Variants in TTBK2 observed in about 807,000 individuals in gnomAD.
The protein encoded by TTBK2 is tau tubulin kinase 2.
Under a neutral mutation model 110.8 loss-of-function variants are expected in TTBK2, and 28 were observed. The ratio of observed to expected loss-of-function variants is 0.25; its 90% confidence interval spans 0.19 to 0.35. The LOEUF (loss-of-function observed/expected upper bound fraction) is 0.35. TTBK2 is among the 10% of genes least tolerant of loss of function. TTBK2 has a pLI of 1.00. For synonymous variants in TTBK2, 532 were observed against 527.3 expected, an observed-to-expected ratio of 1.01 and a Z score of -0.12; for missense variants, 1,369 against 1,500.3, an observed-to-expected ratio of 0.91 and a Z score of 1.45.
chr15:42,897,981 A>G (rs1428281254), intron 1 of TTBK2, among the ~76,000 whole-genome samples: 2 of 151,550 alleles, frequency 1.3e-5, no homozygotes, highest in African/African-American at 4.8e-5. Context: ...ATTGAGCCCA[A>G]GAGTTTGAAA....
intron 13 of TTBK2, among the ~76,000 whole-genome samples, chr15:42,754,439 AGG>A (rs1246622481): frequency 1.3e-5 from 2 of 151,466 alleles, no homozygotes; most frequent in African/African-American, 4.9e-5. Flanking sequence ...TCTGTCGCCC[AGG>A]CTGGAGTGCA....
chr15:42,879,640 A>C (rs1181980954), intron 1 of TTBK2, among the ~76,000 whole-genome samples: 2 of 151,472 alleles, frequency 1.3e-5, no homozygotes, highest in South Asian at 2.1e-4. Flanking sequence ...AATCTTATTT[A>C]CAAAAAAAAA....
chr15:42,784,413 G>T (rs951996417), intron 10 of TTBK2, among the ~76,000 whole-genome samples: 1 of 151,944 alleles, frequency 6.6e-6, no homozygotes, highest in African/African-American at 2.4e-5. Flanking sequence ...GAGTAGCTGG[G>T]ATTACAGGCG....
At chr15:42,830,741 C>T (rs1892722927) in intron 4 of TTBK2, among the ~76,000 whole-genome samples, 4 of 151,922 alleles carry the variant, frequency 2.6e-5, no homozygotes, top group African/African-American at 9.6e-5. Flanking sequence ...AGCAGTGGCT[C>T]ACGCCTGTAA....
rs371580608 is a variant in TTBK2 at position 42,801,927 on chromosome 15, C to T, written c.823-7126G>A. On this transcript the variant is annotated intron_variant, in intron 9 of 14. Coordinates refer to ENST00000267890, the MANE Select transcript of TTBK2 (RefSeq NM_173500.4). The stretch of plus-strand genomic sequence containing the variant: ...GCCCATGCATGTTGCCAAGCTCCGC[C>T]TCCAGCTTCAGCTTCTCCTGGCCCA... 5.1e-5 allele frequency: 81 copies of T among 1,584,904 alleles called. No homozygotes were observed. The African/African-American group carries it at 7.5e-4, about 15-fold the overall frequency.
intron 10 of TTBK2, among the ~76,000 whole-genome samples, chr15:42,785,204 C>T (rs944917167): frequency 2.0e-5 from 3 of 150,770 alleles, no homozygotes; most frequent in African/African-American, 7.4e-5. Context: ...ACTGCAACCT[C>T]CGCCCCCGGG....
rs372961536 is a variant in TTBK2 at position 42,864,327 on chromosome 15, A to G, written c.217+8284T>C. Among the ~76,000 whole-genome samples the G allele has an allele frequency of 1.1e-4, 16 of 152,294 alleles. No homozygotes were observed. In the South Asian group the frequency reaches 1.9e-3, roughly 18 times the overall value. ...AGGCCAGGCGTGGTGGCTAACGCCTATAATCCCAGCACTTTGGGAGGCCAA... is the reference window on the plus strand; with the variant it reads ...AGGCCAGGCGTGGTGGCTAACGCCTGTAATCCCAGCACTTTGGGAGGCCAA... On this transcript the variant is annotated intron_variant, in intron 3 of 14. Coordinates refer to ENST00000267890, the MANE Select transcript of TTBK2 (RefSeq NM_173500.4).
Position 42,803,458 on chromosome 15 carries a change from A to C in TTBK2, c.822+7156T>G, listed in dbSNP as rs8037374. ...GATACTGGAGATTCAGAAGTGCCCCATGTGGTTGGCTGCCCCAGGACCTGA... is the reference window on the plus strand; with the variant it reads ...GATACTGGAGATTCAGAAGTGCCCCCTGTGGTTGGCTGCCCCAGGACCTGA... On this transcript the variant is annotated intron_variant, in intron 9 of 14. Transcript: ENST00000267890. Among the ~76,000 whole-genome samples, 563 of 152,042 alleles carry C rather than the reference A, an allele frequency of 3.7e-3. 2 individuals are homozygous for C. Among genetic ancestry groups the C allele is most frequent in the African/African-American group, 0.013 (538 of 41,472 alleles).
At chr15:42,858,952 G>GGA in intron 3 of TTBK2, among the ~76,000 whole-genome samples, 1 of 152,252 alleles carries the variant, frequency 6.6e-6, no homozygotes, top group East Asian at 1.9e-4. Context: ...ATTCCCTCAT[G>GGA]CTTCCAGCAG....
At chr15:42,843,845 T>G (rs1893343986) in intron 3 of TTBK2, among the ~76,000 whole-genome samples, 1 of 151,468 alleles carries the variant, frequency 6.6e-6, no homozygotes, top group African/African-American at 2.4e-5. Context: ...AAGACTGGTG[T>G]TTGAGATATT....
chr15:42,837,901 T>C (rs996924624), intron 4 of TTBK2, among the ~76,000 whole-genome samples: 1 of 151,950 alleles, frequency 6.6e-6, no homozygotes, highest in South Asian at 2.1e-4. Context: ...GTTATTTAGA[T>C]AACTTGAAAG....
rs1354381273 is a variant in TTBK2 at position 42,752,170 on chromosome 15, G to A, written c.3076C>T (p.Leu1026=). 1.2e-6 allele frequency: 2 copies of A among 1,614,244 alleles called. No individual in the cohort carries two copies. Among genetic ancestry groups the A allele is most frequent in the South Asian group, 2.2e-5 (2 of 91,086 alleles). The change falls in exon 14 of 15, where the codon CTG becomes TTG. Residue 1026 remains leucine (L), a synonymous_variant. Transcript: ENST00000267890. ...CTACTCAGGTGAGAATCTACTGTCA[G>A]TCTTGAAAAGGGAGTGAGCACTTCC... ...EEEVLTPFSR[L]TVDSHLSRSA...
At chr15:42,773,263 G>A (rs1044091622) in intron 13 of TTBK2, among the ~76,000 whole-genome samples, 7 of 151,978 alleles carry the variant, frequency 4.6e-5, no homozygotes, top group African/African-American at 1.4e-4. Context: ...CATTTCATTA[G>A]AGACTTTCAA....
intron 7 of TTBK2, among the ~76,000 whole-genome samples, chr15:42,813,066 A>G (rs1327435332): frequency 6.6e-6 from 1 of 152,128 alleles, no homozygotes; most frequent in Non-Finnish European, 1.5e-5. Flanking sequence ...AGAGAAAGGG[A>G]AAAAGGGAAT....
At chr15:42,760,188 C>A (rs935858405) in intron 13 of TTBK2, among the ~76,000 whole-genome samples, 1 of 151,896 alleles carries the variant, frequency 6.6e-6, no homozygotes, top group African/African-American at 2.4e-5. Flanking sequence ...GAGTTTGAGA[C>A]CAGCCTGGCC....
chr15:42,868,376 A>T (rs1263741420), intron 3 of TTBK2, among the ~76,000 whole-genome samples: 1 of 152,176 alleles, frequency 6.6e-6, no homozygotes, highest in African/African-American at 2.4e-5. Context: ...TGATGTATCA[A>T]TGTAGGTTCA....
intron 3 of TTBK2, among the ~76,000 whole-genome samples, chr15:42,846,144 T>A (rs916873021): frequency 2.0e-5 from 3 of 151,766 alleles, no homozygotes; most frequent in African/African-American, 7.3e-5. Flanking sequence ...AAAAAGTCTA[T>A]ACATATTTAG....
At chr15:42,772,091 G>T (rs567311942) in intron 13 of TTBK2, among the ~76,000 whole-genome samples, 1 of 152,006 alleles carries the variant, frequency 6.6e-6, no homozygotes, top group African/African-American at 2.4e-5. Flanking sequence ...TCACACCCTC[G>T]TATAGACCCT....
chr15:42,913,720 C>T (rs1378656253), intron 1 of TTBK2, among the ~76,000 whole-genome samples: 2 of 152,112 alleles, frequency 1.3e-5, no homozygotes, highest in African/African-American at 4.8e-5. Context: ...CCTAGTTTTC[C>T]TCTCCCTGGC....
Sources: gnomAD v4.1 joint callset for allele counts (sites outside exome capture counted in the v4.1 genomes callset) on GRCh38, gnomAD v4.1.1 for gene constraint, MANE v1.5 for transcripts, NCBI Gene and HGNC (gene_info 2026-07-23, HGNC 2026-07-21) for gene names.